Variants in UVSSA observed in about 807,000 individuals in gnomAD.
The protein encoded by UVSSA is UV-stimulated scaffold protein A.
UVSSA carries 72 observed loss-of-function variants against 73.9 expected under a neutral mutation model. That is an observed-to-expected ratio of 0.97 (90% confidence interval 0.81 to 1.19). The LOEUF is 1.19. Ranked by LOEUF, UVSSA falls within the 50% of genes most tolerant of loss-of-function variation. The probability of loss-of-function intolerance (pLI) is 0.00; values close to 1 mark genes in which losing one functional copy is unlikely to be tolerated. For missense variants in UVSSA, 1,150 were observed against 965.0 expected (o/e 1.19, Z -2.54); for synonymous variants, 454 against 391.3 (o/e 1.16, Z -1.89).
chr4:1,394,005 C>T (rs1482861140), exon 14 of UVSSA: 1 of 227,136 alleles, frequency 4.4e-6, no homozygotes, highest in Non-Finnish European at 8.7e-6. Flanking sequence ...GTGAGTGTGC[C>T]TTCAGCGCTC....
upstream of UVSSA, among the ~76,000 whole-genome samples, chr4:1,346,221 G>A (rs1713663596): frequency 6.6e-6 from 1 of 152,220 alleles, no homozygotes; most frequent in Admixed American, 6.5e-5. Flanking sequence ...ACGATTAACA[G>A]AGTTGTGAGC....
chr4:1,358,363 A>G (rs969789461), intron 7 of UVSSA: 1 of 152,314 alleles, frequency 6.6e-6, no homozygotes, highest in African/African-American at 2.4e-5. Flanking sequence ...GTGAGGCTGG[A>G]TTGAGGATGT....
At chr4:1,393,954 C>T (rs1224292984) in exon 14 of UVSSA, 2 of 195,120 alleles carry the variant, frequency 1.0e-5, no homozygotes, top group East Asian at 2.5e-4. Context: ...TGCTTTGCAC[C>T]AGTAACTCTC....
At chr4:1,368,474 G>A (rs1450400937) in intron 8 of UVSSA, among the ~76,000 whole-genome samples, 3 of 152,242 alleles carry the variant, frequency 2.0e-5, no homozygotes, top group Non-Finnish European at 4.4e-5. Context: ...CGGGCCTGTG[G>A]CCAAACACAA....
rs1720542265 is a variant in UVSSA at position 1,395,926 on chromosome 4, G to A, written c.*9965G>A. 11 of 1,558,040 alleles carry A rather than the reference G, an allele frequency of 7.1e-6. No individual in the cohort carries two copies. In the South Asian group the frequency reaches 1.4e-4, roughly 19 times the overall value. ...AATTCAGGACTGATTTGTTAGCCTG[G>A]TGCTTTTCGTATCAGACCTTTTAAT... On this transcript the variant is annotated 3_prime_UTR_variant, in exon 14 of 14. Transcript: ENST00000511216.
chr4:1,349,261 T>C (rs1714283004), intron 2 of UVSSA, among the ~76,000 whole-genome samples: 1 of 152,228 alleles, frequency 6.6e-6, no homozygotes, highest in Admixed American at 6.5e-5. Context: ...GAAGTGTATA[T>C]GATTTTCACA....
At position 1,355,172 on chromosome 4, in the gene UVSSA, A is replaced by T. The variant is rs765475289; in HGVS notation, c.1103A>T (p.Lys368Met). The stretch of plus-strand genomic sequence containing the variant: ...TGTTTAAAGCGTGCCATTGACCTGA[A>T]GGCTGAATTGGAGCTCGTACTGAGA... ...GGCLKRAIDL[K>M]AELELVLRKY... The change falls in exon 7 of 14, where the codon AAG (lysine) becomes ATG (methionine). Residue 368 changes from lysine (K) to methionine (M), a missense_variant. Physicochemically the swap from Lys to Met is moderately conservative, Grantham distance 95. Transcript: ENST00000389851. 1 of 1,613,894 alleles carries T rather than the reference A, an allele frequency of 6.2e-7. No individual in the cohort carries two copies. The highest frequency in any genetic ancestry group is 8.5e-7 in the Non-Finnish European group (1 of 1,179,922).
intron 12 of UVSSA, among the ~76,000 whole-genome samples, chr4:1,381,396 C>T (rs1719484325): frequency 6.6e-6 from 1 of 152,246 alleles, no homozygotes; most frequent in Non-Finnish European, 1.5e-5. Flanking sequence ...ATACCCCGCA[C>T]CTGCCTCAGT....
chr4:1,369,115 ACGTTCTGCCGTTCTGC>A, intron 8 of UVSSA, among the ~76,000 whole-genome samples: 1 of 152,182 alleles, frequency 6.6e-6, no homozygotes, highest in African/African-American at 2.4e-5. Flanking sequence ...AGGGCTAACC[ACGTTCTGCCGTTCTGC>A]CGTTCTGCCG....
intron 8 of UVSSA, chr4:1,374,775 G>C (rs1718545488): frequency 6.8e-6 from 1 of 146,866 alleles, no homozygotes; most frequent in Non-Finnish European, 1.5e-5. Context: ...GCAGCCCCGG[G>C]CGTTTCTGTG....
chr4:1,349,931 C>T lies in UVSSA; in HGVS notation c.429+77C>T, dbSNP rs146386291. 4,651 of 1,336,174 alleles carry T rather than the reference C, an allele frequency of 3.5e-3. 14 individuals are homozygous for T. Among genetic ancestry groups the T allele is most frequent in the African/African-American group, 4.9e-3 (332 of 67,662 alleles). 82.8% of individuals were successfully genotyped at this position (1,336,174 alleles called of 1,614,324 possible). A position where few individuals can be genotyped will look rare whatever the true frequency, so the allele number is the denominator to read the frequency against. ...GGCAGACGATACCAGGGTGAAGATG[C>T]GCCTCCTGTTGAACCTAGCACAGCA... On this transcript the variant is annotated intron_variant, in intron 3 of 13. Coordinates refer to ENST00000389851, the MANE Select transcript of UVSSA (RefSeq NM_020894.4).
chr4:1,394,578 C>G, exon 14 of UVSSA: 1 of 1,510,366 alleles, frequency 6.6e-7, no homozygotes, highest in Non-Finnish European at 9.0e-7. Context: ...ATGTGGAGTG[C>G]CCGCCTGCTC....
At chr4:1,366,530 C>G in intron 8 of UVSSA, 99 bp downstream of exon 8, 3 of 851,496 alleles carry the variant, frequency 3.5e-6, no homozygotes, top group Non-Finnish European at 3.7e-6. Flanking sequence ...GGCCTGGAGC[C>G]CATCTTGTGG....
chr4:1,394,261 A>T (rs548802562), exon 14 of UVSSA: 8 of 746,064 alleles, frequency 1.1e-5, no homozygotes, highest in Non-Finnish European at 1.7e-5. Flanking sequence ...CGTTCCTCAG[A>T]TCTTCCTTTC....
intron 10 of UVSSA, 110 bp from the exon 11 acceptor site, chr4:1,379,937 G>A: frequency 7.6e-7 from 1 of 1,308,860 alleles, no homozygotes; most frequent in South Asian, 1.4e-5. Flanking sequence ...CACAGTGTTG[G>A]GGTGGCTGGG....
At chr4:1,381,821 C>T (rs1719538852) in intron 12 of UVSSA, among the ~76,000 whole-genome samples, 1 of 152,106 alleles carries the variant, frequency 6.6e-6, no homozygotes, top group Non-Finnish European at 1.5e-5. Flanking sequence ...ATCATGCCAC[C>T]ATGCCCGACT....
chr4:1,394,935 C>T (rs1449645911), exon 14 of UVSSA: 5 of 1,417,176 alleles, frequency 3.5e-6, no homozygotes, highest in Non-Finnish European at 4.9e-6. Flanking sequence ...TCACACGTGC[C>T]CATGCGGAGT....
rs1719448353 is a variant in UVSSA, at chr4:1,381,134, G to A, written c.1861+146G>A. The A allele has an allele frequency of 5.2e-6, 4 of 763,392 alleles. No individual in the cohort carries two copies. In the East Asian group the frequency reaches 8.3e-5, roughly 16 times the overall value. 47.3% of individuals were successfully genotyped at this position (763,392 alleles called of 1,614,324 possible). On this transcript the variant is annotated intron_variant, in intron 12 of 13. Coordinates refer to ENST00000389851, the MANE Select transcript of UVSSA (RefSeq NM_020894.4). ...ACAAGCCTCTCGGTCATAACTGGCA[G>A]AATCAGGAGGGGATGCTGCCCTGAG... is the stretch of plus-strand genomic sequence containing the variant.
chr4:1,343,174 G>A (rs1438317768), upstream of UVSSA, among the ~76,000 whole-genome samples: 2 of 152,156 alleles, frequency 1.3e-5, no homozygotes, highest in African/African-American at 4.8e-5. Flanking sequence ...TTCTAGAGGA[G>A]ATGCTGGCAG....
Sources: allele counts gnomAD v4.1 joint callset (sites outside exome capture counted in the v4.1 genomes callset), GRCh38; gene constraint gnomAD v4.1.1; transcripts MANE v1.5; gene names NCBI Gene and HGNC (gene_info 2026-07-23, HGNC 2026-07-21).